LIMS2: variants seen among roughly 807,000 people sequenced by gnomAD.
LIMS2 encodes the protein LIM and senescent cell antigen-like-containing domain protein 2.
Under a neutral mutation model 45.3 loss-of-function variants are expected in LIMS2, and 30 were observed. The ratio of observed to expected loss-of-function variants is 0.66; its 90% CI spans 0.50 to 0.90. The LOEUF (loss-of-function observed/expected upper bound fraction) is 0.90, where lower values mean the gene tolerates loss of function less well. Ranked by LOEUF, LIMS2 falls within the 40% of genes least tolerant of loss-of-function variation. LIMS2 has a pLI of 0.00. For missense variants in LIMS2, 485 were observed against 468.7 expected (o/e 1.03, Z -0.32); for synonymous variants, 173 against 188.0 (o/e 0.92, Z 0.65).
chr2:127,670,010 C>T (rs1342562541), intron 1 of LIMS2, among the ~76,000 whole-genome samples: 2 of 152,188 alleles, frequency 1.3e-5, no homozygotes, highest in African/African-American at 4.8e-5. Context: ...AAATTGGAAC[C>T]TTCATACATT....
In LIMS2 at chr2:127,647,590, G is replaced by A. The variant is rs1257190309; in HGVS notation, c.360-4518C>T. Among the ~76,000 whole-genome samples the A allele has an allele frequency of 6.6e-6, 1 of 152,062 alleles. No individual in the cohort carries two copies. Among genetic ancestry groups the A allele is most frequent in the Non-Finnish European group, 1.5e-5 (1 of 67,992 alleles). On this transcript the variant is annotated intron_variant, in intron 4 of 9. Transcript: ENST00000355119. The surrounding 1 kb of genome is among the most constrained non-coding windows in gnomAD (Gnocchi z 4.3). Reference sequence around the variant, plus strand: ...GGCCTGAGGGACAGCCTGGGGTGGAGGGCACCCACCTTGGCCCCTTCCCAC... The same window carrying A: ...GGCCTGAGGGACAGCCTGGGGTGGAAGGCACCCACCTTGGCCCCTTCCCAC...
intron 1 of LIMS2, among the ~76,000 whole-genome samples, chr2:127,665,058 G>A (rs1163555818): frequency 6.6e-6 from 1 of 152,170 alleles, no homozygotes; most frequent in Non-Finnish European, 1.5e-5. Flanking sequence ...AGAGGGACCT[G>A]GTGGCAACCA....
chr2:127,673,049 C>T (rs773968678), intron 1 of LIMS2, among the ~76,000 whole-genome samples: 1 of 152,200 alleles, frequency 6.6e-6, no homozygotes. Context: ...CTCCGAAGGC[C>T]GGGTTGGATG....
At chr2:127,662,635 GGGGGGT>G (rs1684744920) in intron 1 of LIMS2, among the ~76,000 whole-genome samples, 2 of 78,268 alleles carry the variant, frequency 2.6e-5, no homozygotes, top group Non-Finnish European at 5.5e-5. Context: ...CTTGTGGGGT[GGGGGGT>G]GGGGGGTGGG....
Position 127,653,809 on chromosome 2 carries a change from AGT to A in LIMS2, c.359+613_359+614del, listed in dbSNP as rs374952127. Among the ~76,000 whole-genome samples the A allele has an allele frequency of 1.9e-4, 29 of 152,192 alleles. No homozygotes were observed. In the South Asian group the frequency reaches 6.0e-3, roughly 31 times the overall value. On this transcript the variant is annotated intron_variant, in intron 4 of 9. Transcript: ENST00000355119. This position sits in a 1 kb window ranked among gnomAD's most constrained non-coding sequence, Gnocchi z 5.3. ...GAGAAGCCGGGGAGGAAGGCCCAGC[AGT>A]GTTTTTAACCCAGCTCCCCAGCCCA...
At chr2:127,663,132 T>C (rs767350174) in intron 1 of LIMS2, among the ~76,000 whole-genome samples, 3 of 152,216 alleles carry the variant, frequency 2.0e-5, no homozygotes, top group Non-Finnish European at 4.4e-5. Context: ...GTATCAGTAC[T>C]GTGAAAATCA....
intron 1 of LIMS2, among the ~76,000 whole-genome samples, chr2:127,670,887 A>C (rs146053264): frequency 2.0e-5 from 3 of 152,242 alleles, no homozygotes; most frequent in Non-Finnish European, 4.4e-5. Context: ...TTTCCCGTGT[A>C]TTCCTCCAAG....
chr2:127,658,163 C>T (rs1396349919), intron 1 of LIMS2, among the ~76,000 whole-genome samples: 6 of 152,138 alleles, frequency 3.9e-5, no homozygotes, highest in African/African-American at 2.4e-5. Context: ...CCAAGGTGGG[C>T]GGATCCCTTG....
chr2:127,640,744 AC>A, intron 7 of LIMS2, 151 bp downstream of exon 7: 1 of 675,372 alleles, frequency 1.5e-6, no homozygotes, highest in Non-Finnish European at 2.6e-6. Flanking sequence ...AGGTCTCGAG[AC>A]CCCAGGCCAG....
chr2:127,669,729 A>AT (rs1485828731), intron 1 of LIMS2, among the ~76,000 whole-genome samples: 70 of 151,994 alleles, frequency 4.6e-4, no homozygotes, highest in African/African-American at 1.4e-3. Flanking sequence ...AAAAAAAAAA[A>AT]TTTGCAAATC....
rs191106324 is a variant in LIMS2, at chr2:127,680,583, G to A, written c.-5+737C>T. On this transcript the variant is annotated intron_variant, in intron 1 of 9. Coordinates refer to the LIMS2 transcript ENST00000410011. The stretch of plus-strand genomic sequence containing the variant: ...TGTGCCACACGGCAGCTCAGTGAGA[G>A]AAGCTGGCGGAATGTCGATCCACAA... Among the ~76,000 whole-genome samples the A allele has an allele frequency of 7.5e-4, 115 of 152,354 alleles. 1 individual carries two copies. The highest frequency in any genetic ancestry group is 2.6e-3 in the African/African-American group (108 of 41,572).
intron 1 of LIMS2, among the ~76,000 whole-genome samples, chr2:127,658,414 G>C (rs1684403232): frequency 6.6e-6 from 1 of 152,132 alleles, no homozygotes; most frequent in African/African-American, 2.4e-5. Context: ...AAAGACAAGA[G>C]TATGAATCTT....
chr2:127,666,882 G>T (rs535315666), intron 1 of LIMS2, among the ~76,000 whole-genome samples: 3 of 152,028 alleles, frequency 2.0e-5, no homozygotes, highest in Non-Finnish European at 2.9e-5. Context: ...AGCATGGGGG[G>T]AAACACCCCC....
chr2:127,676,743 A>G (rs1685511789), upstream of LIMS2, among the ~76,000 whole-genome samples: 1 of 152,150 alleles, frequency 6.6e-6, no homozygotes, highest in Non-Finnish European at 1.5e-5. Context: ...TTAAGTATGG[A>G]TAATTTCTTG....
chr2:127,641,845 G>A, intron 6 of LIMS2: 2 of 543,692 alleles, frequency 3.7e-6, no homozygotes, highest in South Asian at 2.6e-5. Flanking sequence ...AACCGTGTGT[G>A]TGCACTCGGG....
chr2:127,641,945 AC>A (rs1682452856), intron 6 of LIMS2, 103 bp downstream of exon 6: 4 of 1,343,484 alleles, frequency 3.0e-6, no homozygotes, highest in Non-Finnish European at 3.0e-6. Flanking sequence ...GGAGCCAGCC[AC>A]CCGCCCTGGG....
chr2:127,673,822 T>C, intron 1 of LIMS2: 1 of 1,347,392 alleles, frequency 7.4e-7, no homozygotes, highest in Non-Finnish European at 1.0e-6. Context: ...GCTAGAACCC[T>C]AGGGGGTGAC....
chr2:127,644,101 C>T, intron 4 of LIMS2: 1 of 456,570 alleles, frequency 2.2e-6, no homozygotes, highest in Non-Finnish European at 4.4e-6. Context: ...CTCCATCCTG[C>T]ACAGCACTGT....
chr2:127,639,552 G>C, intron 9 of LIMS2, 124 bp from the exon 10 acceptor site: 1 of 1,224,408 alleles, frequency 8.2e-7, no homozygotes, highest in Non-Finnish European at 1.2e-6. Context: ...TAGCCAGCAG[G>C]CCAGGCCCTA....
Sources: allele counts gnomAD v4.1 joint callset (sites outside exome capture counted in the v4.1 genomes callset), GRCh38; gene constraint gnomAD v4.1.1; non-coding constraint Gnocchi (gnomAD v3.1); transcripts MANE v1.5; gene names NCBI Gene and HGNC (gene_info 2026-07-23, HGNC 2026-07-21).